The following CTNND2 variants were observed in gnomAD, a reference collection of about 807,000 sequenced individuals.
CTNND2 encodes the protein catenin delta-2.
Under a neutral mutation model 144.4 loss-of-function variants are expected in CTNND2, and 22 were observed. That is an observed-to-expected ratio of 0.15 (90% CI 0.11 to 0.22). The LOEUF (loss-of-function observed/expected upper bound fraction) is 0.22, where lower values mean the gene tolerates loss of function less well. CTNND2 is among the 10% of genes least tolerant of loss of function. The pLI is 1.00. For synonymous variants in CTNND2, 751 were observed against 695.6 expected (o/e 1.08, Z -1.25); for missense variants, 1,353 against 1,618.8 (o/e 0.84, Z 2.82).
chr5:11,005,870 T>C (rs1287037583), intron 18 of CTNND2, among the ~76,000 whole-genome samples: 2 of 152,156 alleles, frequency 1.3e-5, no homozygotes, highest in African/African-American at 2.4e-5. Flanking sequence ...TTAAAAACCA[T>C]GGGAGCAGGG....
chr5:11,003,529 C>T (rs1740176534), intron 18 of CTNND2, among the ~76,000 whole-genome samples: 1 of 152,126 alleles, frequency 6.6e-6, no homozygotes. Flanking sequence ...ACATACACTT[C>T]CTTCTTATTT....
intron 8 of CTNND2, among the ~76,000 whole-genome samples, chr5:11,348,399 T>A (rs1317490311): frequency 6.7e-6 from 1 of 149,180 alleles, no homozygotes; most frequent in African/African-American, 2.5e-5. Context: ...AAATTTCATT[T>A]TCTACAAGTT....
At chr5:11,870,123 T>C (rs548512680) in intron 1 of CTNND2, among the ~76,000 whole-genome samples, 1 of 152,266 alleles carries the variant, frequency 6.6e-6, no homozygotes, top group South Asian at 2.1e-4. Context: ...AGGGAGAATA[T>C]AGCACTGCGA....
intron 1 of CTNND2, among the ~76,000 whole-genome samples, chr5:11,815,265 T>TA (rs1485878677): frequency 6.6e-6 from 1 of 152,186 alleles, no homozygotes; most frequent in East Asian, 1.9e-4. Flanking sequence ...GAATTAACAT[T>TA]AAATGTTAAT....
chr5:11,438,120 C>G (rs1333256657), intron 3 of CTNND2, among the ~76,000 whole-genome samples: 1 of 152,084 alleles, frequency 6.6e-6, no homozygotes, highest in Admixed American at 6.6e-5. Context: ...CACAAAATGG[C>G]CAGCTGTGTA....
chr5:11,456,316 C>CT (rs76539757), intron 3 of CTNND2, among the ~76,000 whole-genome samples: 6,341 of 139,702 alleles, frequency 0.045, 342 homozygotes, highest in African/African-American at 0.13. Context: ...CTTTTTGATG[C>CT]TTTTTTTTTT....
At chr5:11,580,548 T>A (rs143611587) in intron 2 of CTNND2, among the ~76,000 whole-genome samples, 1,574 of 152,294 alleles carry the variant, frequency 0.01, 21 homozygotes, top group African/African-American at 0.037. Flanking sequence ...TTCTAATCAA[T>A]CTAGATGCAA....
intron 10 of CTNND2, among the ~76,000 whole-genome samples, chr5:11,235,550 C>A (rs1463938579): frequency 6.6e-6 from 1 of 152,128 alleles, no homozygotes; most frequent in Non-Finnish European, 1.5e-5. Flanking sequence ...CTGGGTGATT[C>A]TCTTGAGGGG....
rs184641970 is a variant in CTNND2 at position 11,650,670 on chromosome 5, G to T, written c.174+81466C>A. Among the ~76,000 whole-genome samples the T allele has an allele frequency of 2.0e-5, 3 of 152,294 alleles. No individual in the cohort carries two copies. In the East Asian group the frequency reaches 5.8e-4, roughly 29 times the overall value. On this transcript the variant is annotated intron_variant, in intron 2 of 21. Coordinates refer to ENST00000304623, the MANE Select transcript of CTNND2 (RefSeq NM_001332.4). Reference sequence around the variant, plus strand: ...CAGATGAAGATGAGGAACTTACTGGGAACTGAAGTGAAAGTCACTCTTGCT... The same window carrying T: ...CAGATGAAGATGAGGAACTTACTGGTAACTGAAGTGAAAGTCACTCTTGCT...
chr5:11,360,738 ACCTT>A (rs1394873205), intron 8 of CTNND2, among the ~76,000 whole-genome samples: 1 of 152,146 alleles, frequency 6.6e-6, no homozygotes, highest in African/African-American at 2.4e-5. Flanking sequence ...ATATGATATT[ACCTT>A]CCAATACCGG....
intron 1 of CTNND2, among the ~76,000 whole-genome samples, chr5:11,776,394 T>C (rs1056059924): frequency 1.3e-5 from 2 of 152,224 alleles, no homozygotes; most frequent in African/African-American, 4.8e-5. Flanking sequence ...TTTCTGTTAA[T>C]TGCATTTCTA....
intron 5 of CTNND2, among the ~76,000 whole-genome samples, chr5:11,409,733 T>C (rs1010575022): frequency 9.9e-5 from 15 of 152,054 alleles, no homozygotes; most frequent in African/African-American, 3.4e-4. Context: ...ACTCTTTGCA[T>C]TGATTATATT....
At chr5:11,048,947 C>A (rs924966330) in intron 16 of CTNND2, among the ~76,000 whole-genome samples, 1 of 152,206 alleles carries the variant, frequency 6.6e-6, no homozygotes, top group African/African-American at 2.4e-5. Flanking sequence ...CAGACAGCAG[C>A]AGCTCTGGCC....
At chr5:11,088,336 A>G (rs560936137) in intron 15 of CTNND2, among the ~76,000 whole-genome samples, 3 of 152,306 alleles carry the variant, frequency 2.0e-5, no homozygotes, top group South Asian at 2.1e-4. Context: ...TGCTCACACT[A>G]CTACCCTCTA....
intron 2 of CTNND2, among the ~76,000 whole-genome samples, chr5:11,582,330 G>C (rs1334872995): frequency 6.6e-6 from 1 of 152,164 alleles, no homozygotes; most frequent in African/African-American, 2.4e-5. Flanking sequence ...ATGAAATAAA[G>C]TTCACATCAG....
rs1756843816 is a variant in CTNND2 at position 11,365,108 on chromosome 5, GACA to G, written c.1178-221_1178-219del. Among the ~76,000 whole-genome samples, 6 of 152,176 alleles carry G rather than the reference GACA, an allele frequency of 3.9e-5. No homozygotes were observed. In the South Asian group the frequency reaches 1.2e-3, roughly 32 times the overall value. On this transcript the variant is annotated intron_variant, in intron 7 of 21. Coordinates refer to ENST00000304623, the MANE Select transcript of CTNND2 (RefSeq NM_001332.4). Reference sequence around the variant, plus strand: ...CCAAACATGATCTCACTCTAAAAATGACAACGTTTCTGAGATAAACCCACATGG... The same window carrying G: ...CCAAACATGATCTCACTCTAAAAATGACGTTTCTGAGATAAACCCACATGG...
At chr5:11,390,126 G>A (rs1004947155) in intron 6 of CTNND2, among the ~76,000 whole-genome samples, 4 of 152,308 alleles carry the variant, frequency 2.6e-5, no homozygotes, top group Non-Finnish European at 5.9e-5. Context: ...TTTTTGAAGA[G>A]CTCTCAACAA....
intron 3 of CTNND2, among the ~76,000 whole-genome samples, chr5:11,509,989 T>C (rs1213715931): frequency 6.6e-6 from 1 of 152,174 alleles, no homozygotes; most frequent in Non-Finnish European, 1.5e-5. Context: ...TAGAGGACAA[T>C]GGCGCAATCA....
At chr5:11,047,113 G>A (rs923563359) in intron 16 of CTNND2, among the ~76,000 whole-genome samples, 5 of 152,332 alleles carry the variant, frequency 3.3e-5, no homozygotes, top group Admixed American at 1.3e-4. Flanking sequence ...GACCGTGAGT[G>A]CCTCTGTGAA....
Sources: allele counts gnomAD v4.1 joint callset (sites outside exome capture counted in the v4.1 genomes callset), GRCh38; gene constraint gnomAD v4.1.1; transcripts MANE v1.5; gene names NCBI Gene and HGNC (gene_info 2026-07-23, HGNC 2026-07-21).